Variants in CAPN14 observed in about 807,000 individuals in gnomAD.
The protein encoded by CAPN14 is calpain 14, also known as calpain-14.
CAPN14 carries 94 observed loss-of-function variants against 101.3 expected under a neutral mutation model. The observed-to-expected ratio is 0.93, with a 90% CI of 0.79 to 1.10. The LOEUF (loss-of-function observed/expected upper bound fraction) is 1.10, where lower values mean the gene tolerates loss of function less well. Ranked by LOEUF, CAPN14 falls within the 50% of genes least tolerant of loss-of-function variation. CAPN14 has a pLI of 0.00. For synonymous variants in CAPN14, 338 were observed against 317.9 expected (o/e 1.06, Z -0.67); for missense variants, 837 against 828.4 (o/e 1.01, Z -0.13).
intron 3 of CAPN14, 96 bp from the exon 4 acceptor site, chr2:31,202,348 T>A: frequency 4.7e-6 from 4 of 851,038 alleles, no homozygotes; most frequent in Non-Finnish European, 7.6e-6. Context: ...TCTGGGCTTG[T>A]AGCCCAGTTT....
intron 12 of CAPN14, chr2:31,189,733 C>A (rs1378173520): frequency 1.7e-6 from 1 of 576,724 alleles, no homozygotes; most frequent in Non-Finnish European, 3.3e-6. Context: ...TTAAAAACAA[C>A]ACCAGCACTA....
chr2:31,200,313 C>G (rs1681688682), intron 6 of CAPN14, 138 bp downstream of exon 6: 1 of 736,698 alleles, frequency 1.4e-6, no homozygotes, highest in Non-Finnish European at 2.1e-6. Flanking sequence ...CCTTGCTGCT[C>G]TGGTTTGAAC....
intron 1 of CAPN14, among the ~76,000 whole-genome samples, chr2:31,232,577 C>T (rs146757989): frequency 2.0e-3 from 301 of 152,292 alleles, no homozygotes; most frequent in African/African-American, 6.0e-3. Context: ...GAAGCAAACA[C>T]GTCCTTCATA....
At chr2:31,179,109 A>G (rs576729320) in intron 17 of CAPN14, among the ~76,000 whole-genome samples, 8 of 143,914 alleles carry the variant, frequency 5.6e-5, no homozygotes, top group African/African-American at 1.5e-4. Flanking sequence ...GTTCTAGGGT[A>G]CATGTGCACA....
intron 17 of CAPN14, among the ~76,000 whole-genome samples, chr2:31,178,948 A>G (rs986837093): frequency 6.6e-6 from 1 of 151,762 alleles, no homozygotes; most frequent in Non-Finnish European, 1.5e-5. Context: ...ATATAATTTT[A>G]ATATACTTGA....
chr2:31,187,695 A>C lies in CAPN14; in HGVS notation c.1587+63T>G, dbSNP rs886923438. 20 of 1,410,098 alleles carry C rather than the reference A, an allele frequency of 1.4e-5. No homozygotes were observed. In the African/African-American group the frequency reaches 2.6e-4, roughly 18 times the overall value. The allele number at this position is 1,410,098 out of a possible 1,614,324, so 87.3% of individuals were successfully genotyped here. A position where few individuals can be genotyped will look rare whatever the true frequency, so the allele number is the denominator to read the frequency against. ...AGCAGGTGCAAACCTATACTTTATA[A>C]AATGAGAAGCTCCACTTCGTCCCCT... On this transcript the variant is annotated intron_variant, in intron 15 of 21. Transcript: ENST00000403897.
chr2:31,176,968 G>T, intron 20 of CAPN14, 58 bp downstream of exon 20: 1 of 1,227,868 alleles, frequency 8.1e-7, no homozygotes, highest in Non-Finnish European at 1.2e-6. Flanking sequence ...AGGGACAGGT[G>T]GGAAGTCATG....
Position 31,232,038 on chromosome 2 carries a change from A to G in CAPN14, c.-177+1753T>C, listed in dbSNP as rs138346969. Among the ~76,000 whole-genome samples the G allele has an allele frequency of 1.3e-3, 192 of 152,290 alleles. 1 individual carries two copies. The highest frequency in any genetic ancestry group is 4.6e-3 in the African/African-American group (192 of 41,558). ...CAAGGAGGGAGTCGGGAGATCTGAG[A>G]TGTAACTAAGGAGATTCTATTCAGC... On this transcript the variant is annotated intron_variant and NMD_transcript_variant, in intron 1 of 21. Coordinates refer to the CAPN14 transcript ENST00000398824.
chr2:31,188,462 C>A (rs1681016456), intron 13 of CAPN14, 108 bp from the exon 14 acceptor site: 1 of 875,980 alleles, frequency 1.1e-6, no homozygotes, highest in Admixed American at 2.0e-5. Context: ...CACTGAGGCA[C>A]CACAAGGGCC....
At chr2:31,176,990 G>C in intron 20 of CAPN14, 36 bp downstream of exon 20, 1 of 1,436,036 alleles carries the variant, frequency 7.0e-7, no homozygotes, top group Non-Finnish European at 9.6e-7. Context: ...GGCAGCAGAG[G>C]AAGACCTGGC....
chr2:31,190,612 T>C (rs2148680598), intron 12 of CAPN14, among the ~76,000 whole-genome samples: 1 of 152,336 alleles, frequency 6.6e-6, no homozygotes, highest in South Asian at 2.1e-4. Context: ...CAGTTTTTTA[T>C]TGTAGGTTGA....
In CAPN14 at chr2:31,212,980, A is replaced by C. The variant is rs559575915; in HGVS notation, c.-53+4476T>G. Among the ~76,000 whole-genome samples the C allele has an allele frequency of 1.7e-4, 26 of 152,366 alleles. 1 individual carries two copies. The highest frequency in any genetic ancestry group is 3.1e-4 in the Non-Finnish European group (21 of 68,036). On this transcript the variant is annotated intron_variant, in intron 1 of 21. Coordinates refer to ENST00000403897, the MANE Select transcript of CAPN14 (RefSeq NM_001145122.2). ...GCTCTTTGTACAAGACTCTGTCTAC[A>C]TGATAAAAAGCACCAGATTGAAAAA... is the stretch of plus-strand genomic sequence containing the variant.
chr2:31,203,035 C>T (rs1226955480), intron 3 of CAPN14, 35 bp downstream of exon 3: 9 of 1,528,838 alleles, frequency 5.9e-6, no homozygotes, highest in South Asian at 2.4e-5. Flanking sequence ...CAGCAGGCAG[C>T]CTAGTGTCTG....
At chr2:31,194,539 G>A (rs1246097084) in intron 8 of CAPN14, 56 bp from the exon 9 acceptor site, 3 of 1,172,954 alleles carry the variant, frequency 2.6e-6, no homozygotes, top group African/African-American at 3.1e-5. Flanking sequence ...AAATTCTTTA[G>A]TAAAGGCTCT....
At chr2:31,229,896 C>T (rs1683137986) in intron 1 of CAPN14, among the ~76,000 whole-genome samples, 1 of 152,118 alleles carries the variant, frequency 6.6e-6, no homozygotes, top group African/African-American at 2.4e-5. Context: ...GTGGTTTTTG[C>T]ATGACCTGAA....
rs543254264 is a variant in CAPN14 at position 31,178,572 on chromosome 2, G to T, written c.1718C>A (p.Ala573Glu). The T allele has an allele frequency of 1.3e-6, 2 of 1,536,892 alleles. No homozygotes were observed. Among genetic ancestry groups the T allele is most frequent in the South Asian group, 2.5e-5 (2 of 81,370 alleles). ...QGILALLDLN[A>E]SGTMSIQEFR... ...TTCCTGGATGCTCATAGTACCTGATGCATTAAGCTGATTAATAGGTTAAGG... is the reference window on the plus strand; with the variant it reads ...TTCCTGGATGCTCATAGTACCTGATTCATTAAGCTGATTAATAGGTTAAGG... Residue 573 changes from alanine to glutamate, a missense_variant, in exon 18 of 22, where the codon GCA (alanine) becomes GAA (glutamate). Coordinates refer to ENST00000403897, the MANE Select transcript of CAPN14 (RefSeq NM_001145122.2).
intron 1 of CAPN14, among the ~76,000 whole-genome samples, chr2:31,208,760 C>A (rs1258522295): frequency 6.6e-6 from 1 of 152,180 alleles, no homozygotes; most frequent in Non-Finnish European, 1.5e-5. Flanking sequence ...GGGTCTAGGT[C>A]ACATTTGGAA....
intron 21 of CAPN14, 27 bp from the exon 22 acceptor site, chr2:31,174,734 G>C: frequency 6.4e-7 from 1 of 1,551,340 alleles, no homozygotes; most frequent in Non-Finnish European, 8.7e-7. Flanking sequence ...AGCAAATGAT[G>C]GTCAGTTCAG....
In CAPN14 at chr2:31,201,848, T is replaced by G. The variant is rs769201839; in HGVS notation, c.551+14A>C. On this transcript the variant is annotated intron_variant, in intron 5 of 21. Transcript: ENST00000403897. ...GAAGCGATGGGAAGGGGGATATTTCTGCCGGTTTCTTACTTGGCATAGGCC... is the reference window on the plus strand; with the variant it reads ...GAAGCGATGGGAAGGGGGATATTTCGGCCGGTTTCTTACTTGGCATAGGCC... 2 of 1,549,442 alleles carry G rather than the reference T, an allele frequency of 1.3e-6. No homozygotes were observed. Among genetic ancestry groups the G allele is most frequent in the Non-Finnish European group, 1.7e-6 (2 of 1,144,994 alleles).
Sources: allele counts gnomAD v4.1 joint callset (sites outside exome capture counted in the v4.1 genomes callset), GRCh38; gene constraint gnomAD v4.1.1; transcripts MANE v1.5; gene names NCBI Gene and HGNC (gene_info 2026-07-23, HGNC 2026-07-21).